PPARG: variants seen among roughly 807,000 people sequenced by gnomAD.
PPARG encodes the protein peroxisome proliferator-activated receptor gamma.
A neutral mutation model predicts 39.2 loss-of-function variants in PPARG; 17 were observed. The observed-to-expected ratio is 0.43, with a 90% CI of 0.30 to 0.65. The LOEUF (loss-of-function observed/expected upper bound fraction) is 0.65, where lower values mean the gene tolerates loss of function less well. Among genes scored for constraint, PPARG ranks in the 30% least tolerant of loss-of-function variants. PPARG has a pLI of 0.13. For synonymous variants in PPARG, 223 were observed against 215.7 expected (o/e 1.03, Z -0.30); for missense variants, 406 against 585.9 (o/e 0.69, Z 3.17).
At chr3:12,357,608 A>C (rs762613366) in intron 2 of PPARG, among the ~76,000 whole-genome samples, 10 of 152,116 alleles carry the variant, frequency 6.6e-5, no homozygotes, top group African/African-American at 9.7e-5. Context: ...TTATTGGTGG[A>C]TTCTATGTAT....
At chr3:12,420,091 G>C (rs1268909500) in intron 7 of PPARG, among the ~76,000 whole-genome samples, 1 of 152,174 alleles carries the variant, frequency 6.6e-6, no homozygotes, top group Non-Finnish European at 1.5e-5. Flanking sequence ...CATGTAGATA[G>C]ATACATACAT....
intron 1 of PPARG, chr3:12,306,050 C>CTATG: frequency 2.6e-5 from 4 of 152,304 alleles, no homozygotes; most frequent in Middle Eastern, 3.4e-3. Flanking sequence ...CTTTCAGCAG[C>CTATG]TATGTACACC....
At chr3:12,337,247 A>T (rs145496504) in intron 2 of PPARG, among the ~76,000 whole-genome samples, 644 of 152,286 alleles carry the variant, frequency 4.2e-3, no homozygotes, top group Non-Finnish European at 7.0e-3. Flanking sequence ...GGCAGAAAAT[A>T]AGAATATATA....
chr3:12,380,060 CA>C, intron 3 of PPARG, 129 bp downstream of exon 3: 1 of 885,804 alleles, frequency 1.1e-6, no homozygotes, highest in Admixed American at 2.0e-5. Flanking sequence ...TTCATTTATT[CA>C]CCCATTTATC....
intron 5 of PPARG, among the ~76,000 whole-genome samples, chr3:12,401,353 C>G (rs2050462149): frequency 6.6e-6 from 1 of 152,172 alleles, no homozygotes; most frequent in Non-Finnish European, 1.5e-5. Context: ...TCTGTTCTTT[C>G]TCTGTGGGAG....
At chr3:12,367,090 T>A (rs563187959) in intron 2 of PPARG, among the ~76,000 whole-genome samples, 1 of 152,318 alleles carries the variant, frequency 6.6e-6, no homozygotes, top group Non-Finnish European at 1.5e-5. Context: ...CTATTCCATT[T>A]CTCTATTTCA....
intron 5 of PPARG, among the ~76,000 whole-genome samples, chr3:12,393,980 C>T (rs2050172090): frequency 6.6e-6 from 1 of 152,094 alleles, no homozygotes; most frequent in South Asian, 2.1e-4. Context: ...AAATTTGGTC[C>T]AACTTTCCTC....
rs553381352 is a variant in PPARG, at chr3:12,429,330, G to C, written c.1181-4568G>C. On this transcript the variant is annotated intron_variant, in intron 7 of 7. Coordinates refer to ENST00000651735, the MANE Select transcript of PPARG (RefSeq NM_138711.6). ...AAGTGTTTCCAGCAAGCCCTGATCA[G>C]TTGCATGTTAGTCCTTGTTTGTATG... is the stretch of plus-strand genomic sequence containing the variant. Among the ~76,000 whole-genome samples, 3 of 152,232 alleles carry C rather than the reference G, an allele frequency of 2.0e-5. No homozygotes were observed. The East Asian group carries it at 5.8e-4, about 29-fold the overall frequency.
At chr3:12,299,117 G>T (rs1320442766) in intron 1 of PPARG, among the ~76,000 whole-genome samples, 1 of 152,190 alleles carries the variant, frequency 6.6e-6, no homozygotes, top group Non-Finnish European at 1.5e-5. Context: ...TTATAGGTGT[G>T]AGCCACGCGC....
At chr3:12,325,681 T>C (rs2047676094) in intron 2 of PPARG, among the ~76,000 whole-genome samples, 1 of 151,954 alleles carries the variant, frequency 6.6e-6, no homozygotes, top group Non-Finnish European at 1.5e-5. Flanking sequence ...TTTTTTTTTT[T>C]TCTCAATCTC....
chr3:12,417,816 T>C (rs2051113129), intron 7 of PPARG, among the ~76,000 whole-genome samples: 1 of 151,690 alleles, frequency 6.6e-6, no homozygotes, highest in Non-Finnish European at 1.5e-5. Flanking sequence ...GCCCTGCAAG[T>C]AGTACATGAT....
intron 6 of PPARG, among the ~76,000 whole-genome samples, chr3:12,415,040 T>C (rs186733615): frequency 5.8e-4 from 89 of 152,326 alleles, no homozygotes; most frequent in African/African-American, 2.0e-3. Context: ...TCCATAGATA[T>C]GAATAGAATC....
At chr3:12,308,076 A>G (rs1166637530) in intron 1 of PPARG, among the ~76,000 whole-genome samples, 1 of 152,102 alleles carries the variant, frequency 6.6e-6, no homozygotes, top group East Asian at 1.9e-4. Flanking sequence ...AAGGTAGGAT[A>G]ATAGGAGGCC....
chr3:12,365,802 T>C (rs1374625711), intron 2 of PPARG, among the ~76,000 whole-genome samples: 1 of 152,174 alleles, frequency 6.6e-6, no homozygotes, highest in Non-Finnish European at 1.5e-5. Context: ...TTAATTACTT[T>C]AACTTTCTAG....
intron 7 of PPARG, among the ~76,000 whole-genome samples, chr3:12,418,841 T>C (rs1047018423): frequency 5.3e-5 from 8 of 152,220 alleles, no homozygotes; most frequent in African/African-American, 1.9e-4. Flanking sequence ...GATCACAGTA[T>C]GGCATAGTTT....
chr3:12,396,175 A>T (rs895095), intron 5 of PPARG, among the ~76,000 whole-genome samples: 34,034 of 151,794 alleles, frequency 0.22, 4,306 homozygotes, highest in Non-Finnish European at 0.28. Flanking sequence ...AGTCTGGAGT[A>T]CAATGGTACA....
chr3:12,382,281 G>C (rs1457022627), intron 4 of PPARG, among the ~76,000 whole-genome samples: 1 of 152,082 alleles, frequency 6.6e-6, no homozygotes, highest in Non-Finnish European at 1.5e-5. Context: ...TTTGTGAAAA[G>C]GGTATTTTGG....
intron 2 of PPARG, among the ~76,000 whole-genome samples, chr3:12,346,196 A>G (rs1170249731): frequency 6.6e-6 from 1 of 152,196 alleles, no homozygotes; most frequent in Non-Finnish European, 1.5e-5. Context: ...GGAAGTTTTC[A>G]GTTGGTTTTT....
intron 2 of PPARG, among the ~76,000 whole-genome samples, chr3:12,360,160 CTTCT>C (rs1459363596): frequency 1.3e-5 from 2 of 152,020 alleles, no homozygotes; most frequent in Non-Finnish European, 2.9e-5. Flanking sequence ...CAGTTTTTCT[CTTCT>C]TTCTTTTTGC....
Sources: gnomAD v4.1 joint callset for allele counts (sites outside exome capture counted in the v4.1 genomes callset) on GRCh38, gnomAD v4.1.1 for gene constraint, MANE v1.5 for transcripts, NCBI Gene and HGNC (gene_info 2026-07-23, HGNC 2026-07-21) for gene names.